Variants in KIF1A observed in about 807,000 individuals in gnomAD.
KIF1A encodes kinesin family member 1A.
In KIF1A, 46 loss-of-function variants were observed where a neutral mutation model predicts 227.3. The observed-to-expected ratio is 0.20, with a 90% CI of 0.16 to 0.26. The LOEUF is 0.26. Ranked by LOEUF, KIF1A falls within the 10% of genes least tolerant of loss-of-function variation. The pLI is 1.00. For missense variants in KIF1A, 1,683 were observed against 2,485.9 expected (o/e 0.68, Z 6.87); for synonymous variants, 1,022 against 1,012.8 (o/e 1.01, Z -0.17).
rs534224894 is a variant in KIF1A, at chr2:240,785,994, C to T, written c.608+341G>A. 1.9e-4 allele frequency among the ~76,000 whole-genome samples: 29 copies of T among 152,254 alleles called. No homozygotes were observed. The South Asian group carries it at 5.2e-3, about 27-fold the overall frequency. ...ATGCCCCCTGACCCCAGCACACTGGCCCCCACACAGAATGTGGACCCCTGG... is the reference window on the plus strand; with the variant it reads ...ATGCCCCCTGACCCCAGCACACTGGTCCCCACACAGAATGTGGACCCCTGG... On this transcript the variant is annotated intron_variant, in intron 6 of 48. Transcript: ENST00000498729.
At chr2:240,722,776 G>T in intron 42 of KIF1A, 120 bp from the exon 43 acceptor site, 2 of 768,938 alleles carry the variant, frequency 2.6e-6, no homozygotes, top group Non-Finnish European at 4.0e-6. Context: ...CCTCCCCTGG[G>T]CTAAGACTGA....
intron 46 of KIF1A, among the ~76,000 whole-genome samples, chr2:240,719,543 C>A (rs1397785191): frequency 6.6e-6 from 1 of 152,244 alleles, no homozygotes; most frequent in Admixed American, 6.5e-5. Flanking sequence ...TGTGCTGGTT[C>A]CCAGCCTAGG....
chr2:240,797,733 T>A lies in KIF1A; in HGVS notation c.20A>T (p.Lys7Met). Residue 7 changes from lysine to methionine, a missense_variant, in exon 2 of 49, where the codon AAG (lysine) becomes ATG (methionine). Lys to Met is a moderately conservative substitution (Grantham distance 95). This residue lies in a region of KIF1A where 71 missense variants were observed against 129.1 expected (regional missense o/e 0.55). Coordinates refer to ENST00000498729, the MANE Select transcript of KIF1A (RefSeq NM_001244008.2). ...GAAGGGGCGGACCCGCACCGCCACC[T>A]TCACCGAAGCCCCGGCCATCTCTGT... MAGASV[K>M]VAVRVRPFNS... 6.2e-7 allele frequency: 1 copy of A among 1,610,964 alleles called. No homozygotes were observed. Among genetic ancestry groups the A allele is most frequent in the South Asian group, 1.1e-5 (1 of 90,632 alleles).
chr2:240,772,316 C>A (rs950261126), intron 14 of KIF1A, among the ~76,000 whole-genome samples: 1 of 152,196 alleles, frequency 6.6e-6, no homozygotes, highest in East Asian at 1.9e-4. Context: ...CTGACTCCCC[C>A]GTTGCTTTGG....
chr2:240,759,739 G>C (rs2050290369), intron 25 of KIF1A, among the ~76,000 whole-genome samples: 1 of 152,210 alleles, frequency 6.6e-6, no homozygotes, highest in East Asian at 1.9e-4. Flanking sequence ...GGGTGCAGTG[G>C]CTTGCACCTA....
chr2:240,733,428 C>T (rs1404483758), intron 38 of KIF1A, among the ~76,000 whole-genome samples: 6 of 152,282 alleles, frequency 3.9e-5, no homozygotes, highest in African/African-American at 1.4e-4. Flanking sequence ...CTCCTCAGCC[C>T]AGCCACCATC....
chr2:240,723,044 C>T (rs2045598202), intron 42 of KIF1A, among the ~76,000 whole-genome samples: 1 of 152,228 alleles, frequency 6.6e-6, no homozygotes, highest in Non-Finnish European at 1.5e-5. Flanking sequence ...GTGTCACACA[C>T]ACACTCGGCC....
At position 240,766,749 on chromosome 2, in the gene KIF1A, T is replaced by TCTCTCTCTCACACACACA. The variant is rs1454271542; in HGVS notation, c.1684+165_1684+166insTGTGTGTGTGAGAGAGAG. ...CTCTCTCTCTCTCTCTCTCTCTCTC[T>TCTCTCTCTCACACACACA]CACACACACACACACACACACACAC... On this transcript the variant is annotated intron_variant, in intron 19 of 48. Transcript: ENST00000498729. This position sits in a 1 kb window ranked among gnomAD's most constrained non-coding sequence, Gnocchi z 5.0. Among the ~76,000 whole-genome samples the TCTCTCTCTCACACACACA allele has an allele frequency of 1.6e-4, 17 of 109,024 alleles. No individual in the cohort carries two copies. Among genetic ancestry groups the TCTCTCTCTCACACACACA allele is most frequent in the African/African-American group, 5.4e-4 (13 of 24,166 alleles). 71.5% of individuals were successfully genotyped at this position (109,024 alleles called of 152,430 possible). A position where few individuals can be genotyped will look rare whatever the true frequency, so the allele number is the denominator to read the frequency against.
chr2:240,777,342 C>A, intron 10 of KIF1A, among the ~76,000 whole-genome samples: 1 of 152,210 alleles, frequency 6.6e-6, no homozygotes, highest in South Asian at 2.1e-4. Context: ...CCGCGCCCGG[C>A]CTCTAGTTTG....
At position 240,757,504 on chromosome 2, in the gene KIF1A, C is replaced by G; in HGVS notation, c.2673G>C (p.Ser891=). 1 of 1,550,342 alleles carries G rather than the reference C, an allele frequency of 6.5e-7. No individual in the cohort carries two copies. Among genetic ancestry groups the G allele is most frequent in the Non-Finnish European group, 8.7e-7 (1 of 1,146,968 alleles). The change falls in exon 27 of 49, where the codon TCG becomes TCC. Residue 891 remains serine (S), a synonymous_variant. Transcript: ENST00000498729. The surrounding 1 kb of genome is among the most constrained non-coding windows in gnomAD (Gnocchi z 6.2). ...GCTCGGTGGCGTCGGAGTCGGGGCT[C>G]GAGAAGGTGGGGGAGGGGGTGAGAG... ...MAALTPSPTF[S]SPDSDATEPA...
At chr2:240,743,547 G>T (rs953342862) in intron 33 of KIF1A, among the ~76,000 whole-genome samples, 1 of 152,176 alleles carries the variant, frequency 6.6e-6, no homozygotes. Flanking sequence ...TCAGGAGGCT[G>T]CGTGGACTGA....
intron 10 of KIF1A, among the ~76,000 whole-genome samples, chr2:240,777,093 G>A (rs914054937): frequency 2.0e-5 from 3 of 152,134 alleles, no homozygotes; most frequent in Admixed American, 6.5e-5. Flanking sequence ...CACCAGGCTG[G>A]AGTGCAGTGG....
At position 240,728,428 on chromosome 2, in the gene KIF1A, G is replaced by C. The variant is rs777498028; in HGVS notation, c.4008-1488C>G. On this transcript the variant is annotated intron_variant, in intron 38 of 48. Coordinates refer to ENST00000498729, the MANE Select transcript of KIF1A (RefSeq NM_001244008.2). ...CAATGAAACGCTAAAGGTGGAGGCA[G>C]CCAGGACACACACGTACACATACAG... The C allele has an allele frequency of 5.4e-6, 7 of 1,298,782 alleles. No homozygotes were observed. The South Asian group carries it at 8.7e-5, about 16-fold the overall frequency. The allele number at this position is 1,298,782 out of a possible 1,614,324, so 80.5% of individuals were successfully genotyped here. A position where few individuals can be genotyped will look rare whatever the true frequency, so the allele number is the denominator to read the frequency against.
rs748724769 is a variant in KIF1A, at chr2:240,767,028, G to C, written c.1578-7C>G. 6 of 1,598,264 alleles carry C rather than the reference G, an allele frequency of 3.8e-6. No homozygotes were observed. The highest frequency in any genetic ancestry group is 1.1e-5 in the South Asian group (1 of 89,212). On this transcript the variant is annotated splice_polypyrimidine_tract_variant and splice_region_variant and intron_variant, in intron 18 of 48. Transcript: ENST00000498729. ...GCCATCCTCCCTGCCCACTCTGCGG[G>C]GTGGGGGCACCATCAGCACGGCAGC...
intron 23 of KIF1A, among the ~76,000 whole-genome samples, chr2:240,761,996 A>G (rs1469114334): frequency 1.3e-5 from 2 of 152,122 alleles, no homozygotes; most frequent in Non-Finnish European, 2.9e-5. Flanking sequence ...GGACACAAGG[A>G]GGGACTTGTC....
Position 240,736,218 on chromosome 2 carries a change from C to T in KIF1A, c.4007+845G>A, listed in dbSNP as rs1293986541. ...CAGGGAGGCCCTCAAAGACGTTTTCCTACAAACACAGCCATGGAGACACCT... is the reference window on the plus strand; with the variant it reads ...CAGGGAGGCCCTCAAAGACGTTTTCTTACAAACACAGCCATGGAGACACCT... On this transcript the variant is annotated intron_variant, in intron 38 of 48. Transcript: ENST00000498729. The surrounding 1 kb of genome is among the most constrained non-coding windows in gnomAD (Gnocchi z 4.7). Among the ~76,000 whole-genome samples the T allele has an allele frequency of 6.6e-6, 1 of 152,162 alleles. No homozygotes were observed. The highest frequency in any genetic ancestry group is 1.5e-5 in the Non-Finnish European group (1 of 68,014).
intron 15 of KIF1A, among the ~76,000 whole-genome samples, chr2:240,770,454 G>C (rs962595288): frequency 6.6e-6 from 1 of 152,200 alleles, no homozygotes; most frequent in African/African-American, 2.4e-5. Context: ...TCTATAGGAC[G>C]CCAGGGAGGA....
intron 7 of KIF1A, 78 bp from the exon 8 acceptor site, chr2:240,783,894 C>T: frequency 8.8e-7 from 1 of 1,130,568 alleles, no homozygotes; most frequent in Admixed American, 2.0e-5. Context: ...GGCAAGGTCT[C>T]CACAGCTGTT....
chr2:240,797,848 T>A (rs750021985), intron 1 of KIF1A, 36 bp from the exon 2 acceptor site: 3 of 748,714 alleles, frequency 4.0e-6, no homozygotes, highest in Non-Finnish European at 2.2e-6. Context: ...AGAAACAATA[T>A]CTGAGGAGGC....
Sources: allele counts gnomAD v4.1 joint callset (sites outside exome capture counted in the v4.1 genomes callset), GRCh38; gene constraint gnomAD v4.1.1; regional missense constraint gnomAD v4.1.1; non-coding constraint Gnocchi (gnomAD v3.1); transcripts MANE v1.5; gene names NCBI Gene and HGNC (gene_info 2026-07-23, HGNC 2026-07-21).